Variants in PDZRN4 observed in about 807,000 individuals in gnomAD.
PDZRN4 encodes the protein PDZ domain containing ring finger 4, also known as PDZ domain-containing RING finger protein 4.
A neutral mutation model predicts 99.0 loss-of-function variants in PDZRN4; 70 were observed. The ratio of observed to expected loss-of-function variants is 0.71; its 90% CI spans 0.58 to 0.86. The LOEUF (loss-of-function observed/expected upper bound fraction) is 0.86, where lower values mean the gene tolerates loss of function less well. Ranked by LOEUF, PDZRN4 falls within the 40% of genes least tolerant of loss-of-function variation. The pLI, the probability that PDZRN4 is intolerant of heterozygous loss-of-function variation, is 0.00. For synonymous variants in PDZRN4, 551 were observed against 501.6 expected, an observed-to-expected ratio of 1.10 and a Z score of -1.32; for missense variants, 1,474 against 1,331.2, an observed-to-expected ratio of 1.11 and a Z score of -1.67.
chr12:41,558,169 A>G (rs1939200702), intron 7 of PDZRN4, among the ~76,000 whole-genome samples: 1 of 152,230 alleles, frequency 6.6e-6, no homozygotes, highest in South Asian at 2.1e-4. Flanking sequence ...CTCCAGTAAA[A>G]TATACTGAAA....
chr12:41,390,761 G>A (rs528462220), intron 3 of PDZRN4, among the ~76,000 whole-genome samples: 1 of 152,050 alleles, frequency 6.6e-6, no homozygotes, highest in Non-Finnish European at 1.5e-5. Flanking sequence ...AAGCTCCTGT[G>A]GTGCAAGCAA....
rs557972548 is a variant in PDZRN4, at chr12:41,371,898, C to T, written c.844-134558C>T. On this transcript the variant is annotated intron_variant, in intron 3 of 9. Transcript: ENST00000402685. Reference sequence around the variant, plus strand: ...ATTAACCTAGCTAATTTATGTCTGGCGAGGCAGCAGGTCATCCAAATCTGG... The same window carrying T: ...ATTAACCTAGCTAATTTATGTCTGGTGAGGCAGCAGGTCATCCAAATCTGG... Among the ~76,000 whole-genome samples the T allele has an allele frequency of 3.9e-5, 6 of 152,088 alleles. No homozygotes were observed. In the South Asian group the frequency reaches 1.0e-3, roughly 26 times the overall value.
intron 3 of PDZRN4, among the ~76,000 whole-genome samples, chr12:41,399,761 C>G (rs1952276662): frequency 6.6e-6 from 1 of 151,940 alleles, no homozygotes; most frequent in African/African-American, 2.4e-5. Context: ...GTATTTCAAC[C>G]TATAGCGGTA....
chr12:41,491,011 A>G (rs1160032278), intron 3 of PDZRN4, among the ~76,000 whole-genome samples: 1 of 152,164 alleles, frequency 6.6e-6, no homozygotes, highest in Non-Finnish European at 1.5e-5. Flanking sequence ...CAAGGCAAGC[A>G]TGAGCACTAC....
At chr12:41,558,867 CCA>C (rs1939215433) in intron 7 of PDZRN4, among the ~76,000 whole-genome samples, 1 of 151,910 alleles carries the variant, frequency 6.6e-6, no homozygotes, top group African/African-American at 2.4e-5. Context: ...AAAATTGTAC[CCA>C]GAGACAAATA....
At chr12:41,293,620 T>C (rs1242633038) in intron 3 of PDZRN4, among the ~76,000 whole-genome samples, 1 of 152,136 alleles carries the variant, frequency 6.6e-6, no homozygotes, top group Admixed American at 6.6e-5. Context: ...CCTGGTATGT[T>C]GTACTCCAAG....
intron 8 of PDZRN4, 60 bp from the exon 9 acceptor site, chr12:41,567,723 C>A: frequency 9.9e-7 from 1 of 1,008,346 alleles, no homozygotes; most frequent in Non-Finnish European, 1.4e-6. Flanking sequence ...TTTAAGTTTA[C>A]TCTATTTTAA....
At chr12:41,439,254 T>C (rs1952656977) in intron 3 of PDZRN4, among the ~76,000 whole-genome samples, 1 of 152,172 alleles carries the variant, frequency 6.6e-6, no homozygotes, top group Admixed American at 6.6e-5. Flanking sequence ...TTGCTTCATT[T>C]TTTAATACAA....
chr12:41,269,238 T>C (rs954789215), intron 3 of PDZRN4, among the ~76,000 whole-genome samples: 1 of 152,208 alleles, frequency 6.6e-6, no homozygotes, highest in South Asian at 2.1e-4. Context: ...AAGTAGACTT[T>C]CACTGTCAAT....
In PDZRN4 at chr12:41,512,553, G is replaced by A. The variant is rs76149412; in HGVS notation, c.1203+2640G>A. On this transcript the variant is annotated intron_variant, in intron 5 of 9. Coordinates refer to ENST00000402685, the MANE Select transcript of PDZRN4 (RefSeq NM_001164595.2). ...CAAAGAGACCAGTGAGAGAGTGGAA[G>A]GGGTGAATTCAGAGAAAGGAGGGTG... Among the ~76,000 whole-genome samples, 187 of 152,144 alleles carry A rather than the reference G, an allele frequency of 1.2e-3. No homozygotes were observed. The East Asian group carries it at 0.022, about 18-fold the overall frequency.
At chr12:41,474,475 A>G (rs1346405854) in intron 3 of PDZRN4, among the ~76,000 whole-genome samples, 1 of 152,244 alleles carries the variant, frequency 6.6e-6, no homozygotes, top group Non-Finnish European at 1.5e-5. Context: ...AGCTAAATGA[A>G]GTACCCAGGG....
At chr12:41,247,569 T>C (rs1951141405) in intron 3 of PDZRN4, among the ~76,000 whole-genome samples, 2 of 152,176 alleles carry the variant, frequency 1.3e-5, no homozygotes, top group African/African-American at 4.8e-5. Flanking sequence ...TTGACTCCAA[T>C]TCCTGGGTTT....
intron 1 of PDZRN4, 133 bp from the exon 2 acceptor site, chr12:41,191,325 T>G (rs1243731110): frequency 1.7e-6 from 1 of 602,188 alleles, no homozygotes; most frequent in East Asian, 3.0e-5. Flanking sequence ...TCTGCCACAT[T>G]CAACCATCCT....
rs149573766 is a variant in PDZRN4 at position 41,555,218 on chromosome 12, C to T, written c.1303-480C>T. 9.7e-5 allele frequency among the ~76,000 whole-genome samples: 10 copies of T among 102,772 alleles called. No individual in the cohort carries two copies. In the East Asian group the frequency reaches 1.8e-3, roughly 18 times the overall value. The allele number at this position is 102,772 out of a possible 152,430, so 67.4% of individuals were successfully genotyped here. ...TGCACTCCAGCCTGAGCGACAGAGC[C>T]AGACTCTGTCTCAAAAAAAAAAAAA... On this transcript the variant is annotated intron_variant, in intron 6 of 9. Transcript: ENST00000402685.
At chr12:41,549,513 A>G (rs1183170142) in intron 5 of PDZRN4, among the ~76,000 whole-genome samples, 1 of 152,194 alleles carries the variant, frequency 6.6e-6, no homozygotes, top group Non-Finnish European at 1.5e-5. Context: ...TATCTGAGAC[A>G]ATCTCAACCA....
chr12:41,199,025 T>G (rs1185435861), intron 3 of PDZRN4, among the ~76,000 whole-genome samples: 1 of 152,180 alleles, frequency 6.6e-6, no homozygotes, highest in Non-Finnish European at 1.5e-5. Context: ...AGAATGCAGC[T>G]GTTAAAGCAG....
chr12:41,488,505 T>C (rs1211600991), intron 3 of PDZRN4, among the ~76,000 whole-genome samples: 1 of 152,182 alleles, frequency 6.6e-6, no homozygotes. Context: ...GATCCTTGTC[T>C]TCTCAATCCT....
chr12:41,485,647 T>C (rs1937761082), intron 3 of PDZRN4, among the ~76,000 whole-genome samples: 1 of 152,218 alleles, frequency 6.6e-6, no homozygotes, highest in Admixed American at 6.6e-5. Flanking sequence ...ACCTGGAATA[T>C]AATTGAATCA....
chr12:41,269,272 A>G (rs1302820097), intron 3 of PDZRN4, among the ~76,000 whole-genome samples: 3 of 152,244 alleles, frequency 2.0e-5, no homozygotes, highest in South Asian at 4.1e-4. Flanking sequence ...TTCATTAATC[A>G]TACTATAAGC....
Sources: allele counts gnomAD v4.1 joint callset (sites outside exome capture counted in the v4.1 genomes callset), GRCh38; gene constraint gnomAD v4.1.1; transcripts MANE v1.5; gene names NCBI Gene and HGNC (gene_info 2026-07-23, HGNC 2026-07-21).